SV2B: variants seen among roughly 807,000 people sequenced by gnomAD.
The protein encoded by SV2B is synaptic vesicle glycoprotein 2B.
Under a neutral mutation model 73.9 loss-of-function variants are expected in SV2B, and 41 were observed. The observed-to-expected ratio is 0.56, with a 90% confidence interval of 0.43 to 0.72. The LOEUF is 0.72. Among genes scored for constraint, SV2B ranks in the 30% least tolerant of loss-of-function variants. SV2B has a pLI of 0.00. For synonymous variants in SV2B, 314 were observed against 314.2 expected (o/e 1.00, Z 0.01); for missense variants, 764 against 857.8 (o/e 0.89, Z 1.37).
At chr15:91,133,009 C>G (rs767984435) in intron 1 of SV2B, among the ~76,000 whole-genome samples, 3 of 152,158 alleles carry the variant, frequency 2.0e-5, no homozygotes, top group Non-Finnish European at 2.9e-5. Flanking sequence ...AGTATGTTAC[C>G]TCTGTTAGTT....
chr15:91,157,204 A>C (rs2043520994), intron 1 of SV2B, among the ~76,000 whole-genome samples: 1 of 152,194 alleles, frequency 6.6e-6, no homozygotes, highest in Non-Finnish European at 1.5e-5. Context: ...TCCGGGAAGC[A>C]TGTCCTGGAG....
intron 9 of SV2B, among the ~76,000 whole-genome samples, chr15:91,278,448 C>A (rs971963736): frequency 1.3e-5 from 2 of 151,702 alleles, no homozygotes; most frequent in Admixed American, 6.6e-5. Flanking sequence ...GAGGCCGAGG[C>A]GGGTGGATCA....
chr15:91,107,289 A>G (rs371077366), intron 1 of SV2B, among the ~76,000 whole-genome samples: 15 of 148,142 alleles, frequency 1.0e-4, no homozygotes, highest in Middle Eastern at 3.4e-3. Context: ...TCATTACTTT[A>G]TTTGTTTGTT....
At chr15:91,263,552 A>G (rs972909839) in intron 6 of SV2B, among the ~76,000 whole-genome samples, 2 of 152,130 alleles carry the variant, frequency 1.3e-5, no homozygotes, top group Non-Finnish European at 2.9e-5. Context: ...AGACAGACAC[A>G]CAGACACAGA....
chr15:91,189,499 T>G (rs1001016051), intron 1 of SV2B, among the ~76,000 whole-genome samples: 4 of 152,216 alleles, frequency 2.6e-5, no homozygotes, highest in African/African-American at 7.2e-5. Context: ...TGTAGTTCGA[T>G]ACTTCTGACA....
intron 1 of SV2B, among the ~76,000 whole-genome samples, chr15:91,164,832 C>T (rs1411567018): frequency 6.6e-6 from 1 of 152,128 alleles, no homozygotes; most frequent in Non-Finnish European, 1.5e-5. Context: ...CAGTGGAGAG[C>T]CATGCAAGAC....
At chr15:91,189,148 T>C in intron 1 of SV2B, among the ~76,000 whole-genome samples, 1 of 152,084 alleles carries the variant, frequency 6.6e-6, no homozygotes, top group East Asian at 1.9e-4. Flanking sequence ...CAGTTTTTTT[T>C]CTCCAAATGT....
chr15:91,104,921 C>T lies in SV2B; in HGVS notation c.-392+4558C>T, dbSNP rs189013717. On this transcript the variant is annotated intron_variant, in intron 1 of 12. Transcript: ENST00000394232. ...TGCTGGGATTACAGGCGTGAGCCAC[C>T]GCGCCTGACTGGGACCTGAACATTT... Among the ~76,000 whole-genome samples, 894 of 152,280 alleles carry T rather than the reference C, an allele frequency of 5.9e-3. 7 individuals carry two copies. The highest frequency in any genetic ancestry group is 0.01 in the Non-Finnish European group (685 of 68,022).
chr15:91,222,753 C>A (rs1274559575), intron 1 of SV2B, among the ~76,000 whole-genome samples: 1 of 152,214 alleles, frequency 6.6e-6, no homozygotes, highest in Admixed American at 6.5e-5. Flanking sequence ...ATTTTTCAAT[C>A]TTCTTAGTCC....
intron 1 of SV2B, among the ~76,000 whole-genome samples, chr15:91,169,771 A>T (rs2044053599): frequency 6.6e-6 from 1 of 152,188 alleles, no homozygotes; most frequent in Admixed American, 6.5e-5. Context: ...GTGTGGGGCT[A>T]CTTTAGCTAG....
intron 2 of SV2B, among the ~76,000 whole-genome samples, chr15:91,249,393 C>T (rs770952805): frequency 2.0e-5 from 3 of 152,130 alleles, no homozygotes; most frequent in Non-Finnish European, 2.9e-5. Context: ...CTTTATTGAG[C>T]ACCTTTTTTC....
chr15:91,155,320 G>A (rs969585928), intron 1 of SV2B, among the ~76,000 whole-genome samples: 1 of 152,178 alleles, frequency 6.6e-6, no homozygotes, highest in Non-Finnish European at 1.5e-5. Flanking sequence ...CTATGCCAGT[G>A]AGTATTAACT....
At chr15:91,262,323 A>G (rs2047938120) in intron 6 of SV2B, among the ~76,000 whole-genome samples, 1 of 152,248 alleles carries the variant, frequency 6.6e-6, no homozygotes, top group African/African-American at 2.4e-5. Context: ...GACGTTAACC[A>G]TTATTTAAAT....
At chr15:91,273,230 G>A (rs867874853) in intron 9 of SV2B, among the ~76,000 whole-genome samples, 8 of 152,108 alleles carry the variant, frequency 5.3e-5, no homozygotes, top group African/African-American at 1.7e-4. Flanking sequence ...GCAGCTTCTG[G>A]TTTCTTGATC....
intron 1 of SV2B, among the ~76,000 whole-genome samples, chr15:91,186,043 G>T (rs1222624837): frequency 6.6e-6 from 1 of 152,130 alleles, no homozygotes; most frequent in Non-Finnish European, 1.5e-5. Flanking sequence ...CATACACGAG[G>T]ATTCTTTATG....
intron 1 of SV2B, among the ~76,000 whole-genome samples, chr15:91,169,313 C>G (rs1359065282): frequency 6.6e-6 from 1 of 152,094 alleles, no homozygotes; most frequent in Non-Finnish European, 1.5e-5. Context: ...AGAACCTGGG[C>G]TAGGTCTATT....
Position 91,128,601 on chromosome 15 carries a change from C to G in SV2B, c.-392+28238C>G, listed in dbSNP as rs1042495384. On this transcript the variant is annotated intron_variant, in intron 1 of 12. Coordinates refer to ENST00000394232, the MANE Select transcript of SV2B (RefSeq NM_001323032.3). The surrounding 1 kb of genome is among the most constrained non-coding windows in gnomAD (Gnocchi z 4.2). ...TCTTTCCCAGGGCAGATCATAGAAACCAGAATACTTTTTCCCCAAAGCCAG... is the reference window on the plus strand; with the variant it reads ...TCTTTCCCAGGGCAGATCATAGAAAGCAGAATACTTTTTCCCCAAAGCCAG... The G allele has an allele frequency of 2.0e-5, 3 of 152,210 alleles. No homozygotes were observed. The South Asian group carries it at 6.2e-4, about 32-fold the overall frequency. 9.4% of individuals were successfully genotyped at this position (152,210 alleles called of 1,614,324 possible).
intron 1 of SV2B, among the ~76,000 whole-genome samples, chr15:91,150,757 T>C (rs187170166): frequency 1.2e-4 from 19 of 152,378 alleles, no homozygotes; most frequent in Non-Finnish European, 2.9e-5. Context: ...ATAGTCATAC[T>C]GTGGCAAATC....
rs986241557 is a variant in SV2B, at chr15:91,236,441, A to G, written c.451+9727A>G. Among the ~76,000 whole-genome samples, 1 of 152,218 alleles carries G rather than the reference A, an allele frequency of 6.6e-6. No homozygotes were observed. Among genetic ancestry groups the G allele is most frequent in the African/African-American group, 2.4e-5 (1 of 41,464 alleles). ...TCTTCCAGACCACAGAAAGCACAAC[A>G]GAAATGAATGGGAGGAATTCTTAAG... On this transcript the variant is annotated intron_variant, in intron 2 of 12. Transcript: ENST00000394232. This position sits in a 1 kb window ranked among gnomAD's most constrained non-coding sequence, Gnocchi z 4.1.
Sources: gnomAD v4.1 joint callset for allele counts (sites outside exome capture counted in the v4.1 genomes callset) on GRCh38, gnomAD v4.1.1 for gene constraint, Gnocchi (gnomAD v3.1) non-coding constraint, MANE v1.5 for transcripts, NCBI Gene and HGNC (gene_info 2026-07-23, HGNC 2026-07-21) for gene names.